The following SETBP1 variants were observed in gnomAD, a reference collection of about 807,000 sequenced individuals.
The protein encoded by SETBP1 is SET-binding protein.
In SETBP1, 9 loss-of-function variants were observed where a neutral mutation model predicts 101.0. That is an observed-to-expected ratio of 0.09 (90% CI 0.05 to 0.16). SETBP1 has a LOEUF of 0.16. SETBP1 is among the 10% of genes least tolerant of loss of function. The pLI, the probability that SETBP1 is intolerant of heterozygous loss-of-function variation, is 1.00. For missense variants in SETBP1, 1,858 were observed against 2,033.8 expected (o/e 0.91, Z 1.66); for synonymous variants, 818 against 788.5 (o/e 1.04, Z -0.63).
At position 44,949,113 on chromosome 18, in the gene SETBP1, A is replaced by G. The variant is rs527872910; in HGVS notation, c.541-768A>G. On this transcript the variant is annotated intron_variant, in intron 3 of 5. Coordinates refer to ENST00000649279, the MANE Select transcript of SETBP1 (RefSeq NM_015559.3). ...GGATTTCTTTGCATGCTAACCCCCA[A>G]ACAGAGCAACATTCCTAGAGTCCAC... 2.6e-5 allele frequency among the ~76,000 whole-genome samples: 4 copies of G among 152,354 alleles called. No homozygotes were observed. The East Asian group carries it at 5.8e-4, about 22-fold the overall frequency.
rs148698709 is a variant in SETBP1, at chr18:45,035,145, C to T, written c.4001-3340C>T. On this transcript the variant is annotated intron_variant, in intron 4 of 5. Transcript: ENST00000649279. ...CACCGTCTCCTGACACCTCTGCCCTCAGATAGATTTTGTGGATTAATGAGT... is the reference window on the plus strand; with the variant it reads ...CACCGTCTCCTGACACCTCTGCCCTTAGATAGATTTTGTGGATTAATGAGT... 2.0e-5 allele frequency among the ~76,000 whole-genome samples: 3 copies of T among 152,276 alleles called. No individual in the cohort carries two copies. In the East Asian group the frequency reaches 5.8e-4, roughly 29 times the overall value.
At chr18:45,025,680 C>G (rs1156237488) in intron 4 of SETBP1, among the ~76,000 whole-genome samples, 2 of 152,152 alleles carry the variant, frequency 1.3e-5, no homozygotes, top group African/African-American at 4.8e-5. Context: ...TAAAACAATG[C>G]AACTTTCTCA....
intron 4 of SETBP1, among the ~76,000 whole-genome samples, chr18:45,000,966 T>C (rs971398474): frequency 6.6e-6 from 1 of 152,212 alleles, no homozygotes; most frequent in African/African-American, 2.4e-5. Context: ...AAATAGAGGT[T>C]GAAACAGCCC....
intron 3 of SETBP1, among the ~76,000 whole-genome samples, chr18:44,939,873 A>G (rs778920796): frequency 2.0e-5 from 3 of 152,160 alleles, no homozygotes; most frequent in African/African-American, 4.8e-5. Flanking sequence ...GCATATTTTG[A>G]CAAACGTATT....
chr18:44,713,496 C>T (rs1235603693), intron 2 of SETBP1, among the ~76,000 whole-genome samples: 2 of 152,118 alleles, frequency 1.3e-5, no homozygotes, highest in African/African-American at 4.8e-5. Context: ...GGTTCCTGTG[C>T]TGGGAATACT....
intron 3 of SETBP1, among the ~76,000 whole-genome samples, chr18:44,917,899 G>A (rs536888716): frequency 2.0e-5 from 3 of 152,206 alleles, no homozygotes; most frequent in East Asian, 3.9e-4. Context: ...AAATAGAAGG[G>A]GAAAGGAAGC....
intron 3 of SETBP1, among the ~76,000 whole-genome samples, chr18:44,928,553 A>G (rs1161536590): frequency 6.6e-6 from 1 of 152,234 alleles, no homozygotes; most frequent in Non-Finnish European, 1.5e-5. Flanking sequence ...CCAACAGTGT[A>G]AAAGCATTCC....
At chr18:44,993,874 T>C (rs2072435176) in intron 4 of SETBP1, among the ~76,000 whole-genome samples, 1 of 152,086 alleles carries the variant, frequency 6.6e-6, no homozygotes, top group African/African-American at 2.4e-5. Flanking sequence ...CAAAACCCAC[T>C]TTTAGATGGA....
At chr18:44,681,993 A>T (rs2068767406) in intron 1 of SETBP1, among the ~76,000 whole-genome samples, 1 of 151,766 alleles carries the variant, frequency 6.6e-6, no homozygotes, top group Non-Finnish European at 1.5e-5. Flanking sequence ...TTTCCCCTTA[A>T]AGTTTAGTTG....
intron 3 of SETBP1, among the ~76,000 whole-genome samples, chr18:44,875,224 G>C (rs1402834763): frequency 1.3e-5 from 2 of 152,116 alleles, no homozygotes; most frequent in Admixed American, 1.3e-4. Flanking sequence ...TCAACACTTA[G>C]AAAGAGTAAA....
At chr18:44,927,372 A>G (rs969363349) in intron 3 of SETBP1, among the ~76,000 whole-genome samples, 6 of 152,138 alleles carry the variant, frequency 3.9e-5, no homozygotes, top group Admixed American at 1.3e-4. Context: ...TATGTGATTC[A>G]TCTTGTCCCC....
At chr18:45,026,405 A>T (rs73952946) in intron 4 of SETBP1, among the ~76,000 whole-genome samples, 1 of 152,336 alleles carries the variant, frequency 6.6e-6, no homozygotes, top group African/African-American at 2.4e-5. Flanking sequence ...CACTAGGCAC[A>T]GCAAGTCACA....
chr18:44,888,117 G>A (rs536943357), intron 3 of SETBP1, among the ~76,000 whole-genome samples: 1 of 152,168 alleles, frequency 6.6e-6, no homozygotes, highest in Non-Finnish European at 1.5e-5. Flanking sequence ...AGTATTTCAG[G>A]GTGCTGGTCC....
chr18:44,686,217 T>C (rs1422667327), intron 1 of SETBP1, among the ~76,000 whole-genome samples: 1 of 152,274 alleles, frequency 6.6e-6, no homozygotes, highest in Non-Finnish European at 1.5e-5. Context: ...GTCCCTCCTT[T>C]TACCCTTTCT....
At chr18:45,045,385 C>G (rs970241655) in intron 5 of SETBP1, among the ~76,000 whole-genome samples, 4 of 152,162 alleles carry the variant, frequency 2.6e-5, no homozygotes, top group African/African-American at 9.7e-5. Flanking sequence ...GAGCCGAAAT[C>G]TCACCACTGC....
intron 2 of SETBP1, among the ~76,000 whole-genome samples, chr18:44,839,406 T>TTGC (rs80013756): frequency 8.0e-4 from 122 of 151,956 alleles, no homozygotes; most frequent in African/African-American, 2.0e-3. Flanking sequence ...AACCTGGGTG[T>TTGC]TGCTGCTGCT....
rs563768215 is a variant in SETBP1 at position 44,953,223 on chromosome 18, G to A, written c.3883G>A (p.Val1295Met). 9.0e-5 allele frequency: 145 copies of A among 1,614,138 alleles called. 1 individual carries two copies. Among genetic ancestry groups the A allele is most frequent in the Admixed American group, 6.8e-4 (41 of 60,024 alleles). ...TTCGAATGACAAGTGGGACAGTGAC[G>A]TGAGTGGGAGTAAAAGGAGGAGCTA... ...NPSNDKWDSD[V>M]SGSKRRSYEG... The change falls in exon 4 of 6, where the codon GTG (valine) becomes ATG (methionine). Residue 1295 changes from valine to methionine, a missense_variant. By Grantham distance (21) the Val-to-Met change is conservative. This residue lies in a region of SETBP1 where 417 missense variants were observed against 389.1 expected (regional missense o/e 1.07). Coordinates refer to ENST00000649279, the MANE Select transcript of SETBP1 (RefSeq NM_015559.3).
intron 2 of SETBP1, among the ~76,000 whole-genome samples, chr18:44,767,717 A>T (rs1201842790): frequency 2.0e-5 from 3 of 152,246 alleles, no homozygotes; most frequent in Non-Finnish European, 4.4e-5. Flanking sequence ...GTTTGATATC[A>T]TGTGAAAATT....
chr18:45,049,541 G>A (rs1271979791), intron 5 of SETBP1, among the ~76,000 whole-genome samples: 1 of 152,078 alleles, frequency 6.6e-6, no homozygotes, highest in East Asian at 1.9e-4. Context: ...TCATCTTTGG[G>A]CTCAGATTTT....
Sources: gnomAD v4.1 joint callset for allele counts (sites outside exome capture counted in the v4.1 genomes callset) on GRCh38, gnomAD v4.1.1 for gene constraint, gnomAD v4.1.1 regional missense constraint, MANE v1.5 for transcripts, NCBI Gene and HGNC (gene_info 2026-07-23, HGNC 2026-07-21) for gene names.